NELL1: variants seen among roughly 807,000 people sequenced by gnomAD.
The protein encoded by NELL1 is neural EGFL like 1, also known as protein kinase C-binding protein NELL1.
Under a neutral mutation model 107.4 loss-of-function variants are expected in NELL1, and 76 were observed. That is an observed-to-expected ratio of 0.71 (90% CI 0.59 to 0.86). The LOEUF (loss-of-function observed/expected upper bound fraction) is 0.86, where lower values mean the gene tolerates loss of function less well. Ranked by LOEUF, NELL1 falls within the 40% of genes least tolerant of loss-of-function variation. The pLI is 0.00. For synonymous variants in NELL1, 353 were observed against 341.2 expected, an observed-to-expected ratio of 1.03 and a Z score of -0.38; for missense variants, 1,024 against 1,005.5, an observed-to-expected ratio of 1.02 and a Z score of -0.25.
intron 5 of NELL1, among the ~76,000 whole-genome samples, chr11:20,905,168 A>G (rs1488153527): frequency 6.6e-6 from 1 of 152,032 alleles, no homozygotes; most frequent in African/African-American, 2.4e-5. Flanking sequence ...AAGATTAGGA[A>G]CAGAGATTTC....
intron 13 of NELL1, among the ~76,000 whole-genome samples, chr11:21,218,782 T>C (rs1857680988): frequency 6.6e-6 from 1 of 152,276 alleles, no homozygotes; most frequent in Admixed American, 6.5e-5. Flanking sequence ...TAACATAATG[T>C]CTTCAAAGCT....
chr11:21,291,286 A>G (rs1004469494), intron 14 of NELL1, among the ~76,000 whole-genome samples: 1 of 152,192 alleles, frequency 6.6e-6, no homozygotes, highest in African/African-American at 2.4e-5. Context: ...AAGTTTTTTG[A>G]AACCAATGAG....
chr11:21,535,982 A>G (rs1049875864), intron 16 of NELL1, among the ~76,000 whole-genome samples: 3 of 152,210 alleles, frequency 2.0e-5, no homozygotes, highest in African/African-American at 4.8e-5. Context: ...GACATTAAGC[A>G]TGGTGGCTAA....
chr11:20,786,378 G>GA (rs920270555), intron 3 of NELL1, among the ~76,000 whole-genome samples: 10 of 151,790 alleles, frequency 6.6e-5, no homozygotes, highest in Non-Finnish European at 5.9e-5. Flanking sequence ...AAAAGGCGGG[G>GA]GGAGAAGAAA....
chr11:21,148,587 G>A (rs188400824), intron 13 of NELL1, among the ~76,000 whole-genome samples: 6 of 152,120 alleles, frequency 3.9e-5, no homozygotes, highest in Admixed American at 2.0e-4. Flanking sequence ...GATGAACAGC[G>A]TGGGATCAAC....
chr11:21,276,876 A>G (rs2133942217), intron 14 of NELL1, among the ~76,000 whole-genome samples: 1 of 152,264 alleles, frequency 6.6e-6, no homozygotes, highest in South Asian at 2.1e-4. Context: ...TCCCTTCCTT[A>G]CATCTTATAC....
chr11:20,958,254 CA>C (rs57808063), intron 11 of NELL1, among the ~76,000 whole-genome samples: 5 of 148,180 alleles, frequency 3.4e-5, no homozygotes, highest in East Asian at 3.9e-4. Flanking sequence ...TTCATCTCTC[CA>C]AAAAAAAAAT....
At chr11:21,023,088 G>C (rs1203822780) in intron 12 of NELL1, among the ~76,000 whole-genome samples, 1 of 151,910 alleles carries the variant, frequency 6.6e-6, no homozygotes, top group Non-Finnish European at 1.5e-5. Flanking sequence ...GCTTAATAGG[G>C]TATTTCAAAT....
chr11:20,756,017 C>T (rs1376436462), intron 2 of NELL1, among the ~76,000 whole-genome samples: 3 of 150,730 alleles, frequency 2.0e-5, no homozygotes, highest in East Asian at 4.0e-4. Flanking sequence ...CTCAGCCTCC[C>T]GAGTAGCTGG....
At chr11:21,314,384 C>T (rs895772391) in intron 14 of NELL1, among the ~76,000 whole-genome samples, 2 of 152,250 alleles carry the variant, frequency 1.3e-5, no homozygotes, top group Non-Finnish European at 1.5e-5. Flanking sequence ...TCTTTTTAGA[C>T]TTCTTGCTCT....
chr11:21,421,749 C>T (rs886586720), intron 15 of NELL1, among the ~76,000 whole-genome samples: 1 of 152,102 alleles, frequency 6.6e-6, no homozygotes, highest in Non-Finnish European at 1.5e-5. Context: ...TGGCCAAAAA[C>T]TCCCCAAGTT....
chr11:21,033,762 T>C (rs1192158078), intron 12 of NELL1, among the ~76,000 whole-genome samples: 2 of 152,196 alleles, frequency 1.3e-5, no homozygotes, highest in African/African-American at 2.4e-5. Context: ...TACCCAGTAA[T>C]AGAATTGCTG....
intron 14 of NELL1, among the ~76,000 whole-genome samples, chr11:21,258,715 A>G (rs755067423): frequency 5.9e-5 from 9 of 151,982 alleles, no homozygotes; most frequent in African/African-American, 1.7e-4. Context: ...CACTCAGAAT[A>G]ATGTTTGACC....
At chr11:21,016,873 G>C (rs1184172774) in intron 12 of NELL1, among the ~76,000 whole-genome samples, 1 of 151,988 alleles carries the variant, frequency 6.6e-6, no homozygotes, top group Non-Finnish European at 1.5e-5. Flanking sequence ...TGGTAAAATT[G>C]GTAAGCATTG....
intron 12 of NELL1, among the ~76,000 whole-genome samples, chr11:20,975,342 A>G (rs1851584070): frequency 6.6e-6 from 1 of 151,896 alleles, no homozygotes; most frequent in Non-Finnish European, 1.5e-5. Context: ...GTTCTTTAAC[A>G]CATCTAAATG....
At chr11:21,396,113 G>A (rs939239927) in intron 15 of NELL1, among the ~76,000 whole-genome samples, 2 of 151,298 alleles carry the variant, frequency 1.3e-5, no homozygotes, top group East Asian at 3.9e-4. Flanking sequence ...CCAATGCCTT[G>A]TCATCAAAGC....
chr11:20,996,825 A>G (rs900587371), intron 12 of NELL1, among the ~76,000 whole-genome samples: 1 of 152,090 alleles, frequency 6.6e-6, no homozygotes, highest in African/African-American at 2.4e-5. Context: ...CGATTTACCC[A>G]TCTCCGTAAA....
chr11:21,115,615 C>A (rs77750601), intron 13 of NELL1, among the ~76,000 whole-genome samples: 1,534 of 151,792 alleles, frequency 0.01, 27 homozygotes, highest in African/African-American at 0.034. Context: ...AGTTTTCCTT[C>A]TTACCCTCAA....
At chr11:21,319,168 T>C (rs1332945974) in intron 14 of NELL1, among the ~76,000 whole-genome samples, 3 of 151,518 alleles carry the variant, frequency 2.0e-5, no homozygotes, top group African/African-American at 7.3e-5. Flanking sequence ...TATGTATGTA[T>C]ACATATTATT....
Sources: allele counts gnomAD v4.1 joint callset (sites outside exome capture counted in the v4.1 genomes callset), GRCh38; gene constraint gnomAD v4.1.1; transcripts MANE v1.5; gene names NCBI Gene and HGNC (gene_info 2026-07-23, HGNC 2026-07-21).